Variants in C14orf39 observed in about 807,000 individuals in gnomAD.
C14orf39 encodes the protein chromosome 14 open reading frame 39.
A neutral mutation model predicts 85.6 loss-of-function variants in C14orf39; 66 were observed. The observed-to-expected ratio is 0.77, with a 90% CI of 0.63 to 0.95. C14orf39 has a LOEUF of 0.95. Among genes scored for constraint, C14orf39 ranks in the 40% least tolerant of loss-of-function variants. The pLI is 0.00. For missense variants in C14orf39, 735 were observed against 663.9 expected, an observed-to-expected ratio of 1.11 and a Z score of -1.18; for synonymous variants, 242 against 214.0, an observed-to-expected ratio of 1.13 and a Z score of -1.14.
chr14:60,449,926 C>T (rs1890957408), intron 16 of C14orf39, among the ~76,000 whole-genome samples: 1 of 152,154 alleles, frequency 6.6e-6, no homozygotes, highest in African/African-American at 2.4e-5. Context: ...TAAAATCCTT[C>T]CTAAAAGGGA....
chr14:60,438,718 T>C (rs917751097), intron 17 of C14orf39, among the ~76,000 whole-genome samples: 1 of 151,770 alleles, frequency 6.6e-6, no homozygotes, highest in East Asian at 1.9e-4. Context: ...AAAAAGAAGA[T>C]TGAGGGGATA....
intron 5 of C14orf39, among the ~76,000 whole-genome samples, chr14:60,472,454 GGTTT>G (rs1892139206): frequency 6.6e-6 from 1 of 152,044 alleles, no homozygotes; most frequent in African/African-American, 2.4e-5. Flanking sequence ...ACAACGTGCA[GGTTT>G]GTTACATATG....
intron 1 of C14orf39, among the ~76,000 whole-genome samples, chr14:60,485,442 C>A (rs1358369400): frequency 6.6e-6 from 1 of 152,240 alleles, no homozygotes; most frequent in Non-Finnish European, 1.5e-5. Flanking sequence ...AAAGTAAACG[C>A]TCTGAATATG....
intron 1 of C14orf39, among the ~76,000 whole-genome samples, chr14:60,506,982 T>A (rs570190757): frequency 1.4e-4 from 21 of 152,188 alleles, no homozygotes; most frequent in Non-Finnish European, 1.5e-5. Context: ...TTCCAAACTG[T>A]CCAGTAAAAG....
intron 4 of C14orf39, among the ~76,000 whole-genome samples, chr14:60,480,301 A>ACCACCGAGTAGCTGGGGGTGGTGC (rs1159650401): frequency 6.6e-6 from 1 of 152,158 alleles, no homozygotes; most frequent in Non-Finnish European, 1.5e-5. Context: ...GCATGCCTGT[A>ACCACCGAGTAGCTGGGGGTGGTGC]ATCCCAGCTA....
intron 2 of C14orf39, chr14:60,493,771 T>C (rs1893027225): frequency 2.0e-5 from 3 of 152,178 alleles, no homozygotes; most frequent in Admixed American, 2.0e-4. Flanking sequence ...GAGACGAGTT[T>C]CTTAAGAAAA....
chr14:60,476,100 A>G (rs1287777730), intron 5 of C14orf39, among the ~76,000 whole-genome samples: 3 of 152,320 alleles, frequency 2.0e-5, no homozygotes, highest in African/African-American at 7.2e-5. Flanking sequence ...AGCAAGGAAA[A>G]GCAGTTGAGC....
chr14:60,475,742 C>T (rs1190525405), intron 5 of C14orf39, among the ~76,000 whole-genome samples: 2 of 152,210 alleles, frequency 1.3e-5, no homozygotes. Flanking sequence ...TAATCGAAAA[C>T]ATTGAAAATG....
chr14:60,465,311 C>T (rs1891732213), intron 11 of C14orf39, among the ~76,000 whole-genome samples: 2 of 152,176 alleles, frequency 1.3e-5, no homozygotes, highest in Non-Finnish European at 2.9e-5. Flanking sequence ...TCCCTCTGGA[C>T]TATTTTCAGG....
At chr14:60,437,693 A>G (rs540164499) in intron 17 of C14orf39, among the ~76,000 whole-genome samples, 2 of 152,032 alleles carry the variant, frequency 1.3e-5, no homozygotes, top group African/African-American at 2.4e-5. Context: ...GACCTTAGGT[A>G]CAATCATAGT....
intron 17 of C14orf39, among the ~76,000 whole-genome samples, chr14:60,439,246 T>C (rs1442801633): frequency 2.6e-5 from 4 of 151,968 alleles, no homozygotes; most frequent in Non-Finnish European, 2.9e-5. Flanking sequence ...GAAGCATAAT[T>C]TGATAGTCAG....
chr14:60,495,509 C>G (rs544275104), intron 2 of C14orf39: 1 of 200,930 alleles, frequency 5.0e-6, no homozygotes, highest in Non-Finnish European at 1.0e-5. Flanking sequence ...AGTTGGCTGC[C>G]TAAAGAGAGA....
At chr14:60,459,452 A>T (rs1891423380) in intron 13 of C14orf39, among the ~76,000 whole-genome samples, 1 of 151,586 alleles carries the variant, frequency 6.6e-6, no homozygotes, top group Admixed American at 6.6e-5. Flanking sequence ...TAGATGCCAA[A>T]TTTTTCCCAA....
At chr14:60,449,157 C>A (rs1200890449) in intron 16 of C14orf39, among the ~76,000 whole-genome samples, 1 of 152,090 alleles carries the variant, frequency 6.6e-6, no homozygotes, top group Non-Finnish European at 1.5e-5. Flanking sequence ...GCATGTTGTG[C>A]ACATTACCCT....
chr14:60,509,561 C>A, intron 1 of C14orf39: 2 of 1,611,962 alleles, frequency 1.2e-6, no homozygotes, highest in Non-Finnish European at 1.7e-6. Context: ...GTCGGTGCTA[C>A]GCGCACGAGC....
intron 7 of C14orf39, among the ~76,000 whole-genome samples, chr14:60,471,086 C>T (rs1015436594): frequency 1.1e-4 from 17 of 151,926 alleles, no homozygotes; most frequent in African/African-American, 3.4e-4. Flanking sequence ...ACCTCCTTTG[C>T]ACCTTCCATT....
chr14:60,481,423 G>A (rs552721000), intron 4 of C14orf39, among the ~76,000 whole-genome samples: 11 of 152,204 alleles, frequency 7.2e-5, no homozygotes, highest in South Asian at 4.2e-4. Context: ...TTGGGAGGCC[G>A]AAGTGGGAGG....
rs577296302 is a variant in C14orf39, at chr14:60,462,264, G to A, written c.973-671C>T. Reference sequence around the variant, plus strand: ...GTAGCCTGATGTCCTAGCTACTGAGGGGAGAGGGGAAGGGAGGGTGGGGTT... The same window carrying A: ...GTAGCCTGATGTCCTAGCTACTGAGAGGAGAGGGGAAGGGAGGGTGGGGTT... On this transcript the variant is annotated intron_variant, in intron 11 of 17. Coordinates refer to ENST00000321731, the MANE Select transcript of C14orf39 (RefSeq NM_174978.3). 4.5e-4 allele frequency among the ~76,000 whole-genome samples: 69 copies of A among 151,888 alleles called. 1 individual carries two copies. The Middle Eastern group carries it at 0.02, about 45-fold the overall frequency.
chr14:60,471,437 A>G lies in C14orf39; in HGVS notation c.534T>C (p.Leu178=). ...KFRVPAPFPS[L]TKWTLNIVNL... ...GATACATGTTTAAAGTCCATTTAGT[A>G]AGTGATGGAAAGGGAGCAGGCACTG... The change falls in exon 7 of 18, where the codon CTT becomes CTC. Residue 178 remains leucine (L), a synonymous_variant. Coordinates refer to ENST00000321731, the MANE Select transcript of C14orf39 (RefSeq NM_174978.3). 6.3e-7 allele frequency: 1 copy of G among 1,598,516 alleles called. No individual in the cohort carries two copies. Among genetic ancestry groups the G allele is most frequent in the Non-Finnish European group, 8.5e-7 (1 of 1,172,570 alleles).
Sources: allele counts gnomAD v4.1 joint callset (sites outside exome capture counted in the v4.1 genomes callset), GRCh38; gene constraint gnomAD v4.1.1; transcripts MANE v1.5; gene names NCBI Gene and HGNC (gene_info 2026-07-23, HGNC 2026-07-21).